The following PPP6R2 variants were observed in gnomAD, a reference collection of about 807,000 sequenced individuals.
The protein encoded by PPP6R2 is serine/threonine-protein phosphatase 6 regulatory subunit 2.
A neutral mutation model predicts 100.2 loss-of-function variants in PPP6R2; 62 were observed. That is an observed-to-expected ratio of 0.62 (90% CI 0.50 to 0.76). The LOEUF is 0.76. Among genes scored for constraint, PPP6R2 ranks in the 30% least tolerant of loss-of-function variants. The pLI, the probability that PPP6R2 is intolerant of heterozygous loss-of-function variation, is 0.00. For synonymous variants in PPP6R2, 525 were observed against 514.7 expected (o/e 1.02, Z -0.27); for missense variants, 1,142 against 1,276.3 (o/e 0.89, Z 1.60).
Position 50,431,866 on chromosome 22 carries a change from TGAGA to T in PPP6R2, c.1336-396_1336-393del, listed in dbSNP as rs1183643748. Among the ~76,000 whole-genome samples the T allele has an allele frequency of 6.6e-6, 1 of 151,056 alleles. No individual in the cohort carries two copies. Among genetic ancestry groups the T allele is most frequent in the African/African-American group, 2.4e-5 (1 of 40,984 alleles). On this transcript the variant is annotated intron_variant, in intron 11 of 23. Transcript: ENST00000612753. This position sits in a 1 kb window ranked among gnomAD's most constrained non-coding sequence, Gnocchi z 4.8. ...AGTGATCTGTGTCAGGGCCTGGAGG[TGAGA>T]GAAAGTGCTGAGGGCAGACAGCCCT... is the stretch of plus-strand genomic sequence containing the variant.
At chr22:50,362,419 T>TA (rs2047971798) in intron 1 of PPP6R2, among the ~76,000 whole-genome samples, 1 of 152,126 alleles carries the variant, frequency 6.6e-6, no homozygotes, top group Non-Finnish European at 1.5e-5. Context: ...GGAGAATTGC[T>TA]ACCTTGGGAG....
intron 2 of PPP6R2, among the ~76,000 whole-genome samples, chr22:50,374,911 CAAAAA>C (rs60035779): frequency 6.2e-5 from 5 of 80,958 alleles, no homozygotes; most frequent in African/African-American, 2.3e-4. Flanking sequence ...GACTCTGTCT[CAAAAA>C]AAAAAAAAAA....
chr22:50,386,712 C>T (rs1031613829), intron 2 of PPP6R2, among the ~76,000 whole-genome samples: 12 of 152,022 alleles, frequency 7.9e-5, no homozygotes, highest in East Asian at 1.9e-4. Flanking sequence ...AAAATCAGAA[C>T]GAAGGAAGCT....
At chr22:50,425,654 A>G (rs2061993897) in intron 10 of PPP6R2, among the ~76,000 whole-genome samples, 2 of 151,656 alleles carry the variant, frequency 1.3e-5, no homozygotes, top group Admixed American at 6.6e-5. Context: ...CCTCCCCCTC[A>G]TCCCGCCGAC....
intron 3 of PPP6R2, among the ~76,000 whole-genome samples, chr22:50,398,256 C>T (rs925849131): frequency 9.3e-5 from 14 of 151,180 alleles, no homozygotes; most frequent in African/African-American, 2.9e-4. Context: ...ACTACAACCT[C>T]CGCGTCCCAG....
At chr22:50,332,217 G>A in the PPP6R2 span, among the ~76,000 whole-genome samples, 2 of 150,954 alleles carry the variant, frequency 1.3e-5, no homozygotes, top group South Asian at 4.2e-4. Context: ...TACTTTTTAT[G>A]TTTCTTCTAG....
intron 21 of PPP6R2, among the ~76,000 whole-genome samples, chr22:50,440,471 C>G (rs79988007): frequency 0.055 from 8,344 of 151,178 alleles, 287 homozygotes; most frequent in Non-Finnish European, 0.071. Context: ...AGGTGAGTGA[C>G]AGCTGGCTCC....
chr22:50,350,443 C>G (rs1602049199), intron 1 of PPP6R2, among the ~76,000 whole-genome samples: 1 of 149,616 alleles, frequency 6.7e-6, no homozygotes, highest in African/African-American at 2.5e-5. Flanking sequence ...GTTGGCCAGG[C>G]TGGTCTCGAA....
At chr22:50,404,347 G>A (rs965808867) in intron 3 of PPP6R2, among the ~76,000 whole-genome samples, 4 of 151,342 alleles carry the variant, frequency 2.6e-5, no homozygotes, top group Admixed American at 1.3e-4. Flanking sequence ...CACCTGCCTC[G>A]GCCTCTCAAA....
chr22:50,364,187 G>A (rs1358515445), intron 1 of PPP6R2, among the ~76,000 whole-genome samples: 2 of 152,128 alleles, frequency 1.3e-5, no homozygotes, highest in African/African-American at 4.8e-5. Context: ...TTGAGTCACC[G>A]TGCCTGGCCC....
chr22:50,394,215 A>G, intron 3 of PPP6R2, 80 bp downstream of exon 3: 1 of 1,559,628 alleles, frequency 6.4e-7, no homozygotes, highest in Non-Finnish European at 8.7e-7. Context: ...GGATGGCCAT[A>G]GTTGGGGATT....
intron 12 of PPP6R2, among the ~76,000 whole-genome samples, chr22:50,432,703 A>T (rs373626093): frequency 8.8e-4 from 134 of 152,266 alleles, no homozygotes; most frequent in African/African-American, 3.0e-3. Context: ...TGGTCTTTCC[A>T]TCTTCTGCTT....
chr22:50,435,925 C>T (rs1021941083), intron 13 of PPP6R2, among the ~76,000 whole-genome samples: 4 of 152,154 alleles, frequency 2.6e-5, no homozygotes, highest in African/African-American at 4.8e-5. Context: ...CTGACCTCCC[C>T]GGAAAAACAG....
At position 50,419,270 on chromosome 22, in the gene PPP6R2, C is replaced by T. The variant is rs768310172; in HGVS notation, c.732-79C>T. 1.2e-5 allele frequency: 16 copies of T among 1,317,060 alleles called. No individual in the cohort carries two copies. In the African/African-American group the frequency reaches 1.3e-4, roughly 11 times the overall value. 81.6% of individuals were successfully genotyped at this position (1,317,060 alleles called of 1,614,324 possible). ...TTGAGGGTTTTGCTGGGGTCCTCCA[C>T]GGGGAGGAAGGAGCATCCTTGCATC... On this transcript the variant is annotated intron_variant, in intron 7 of 23. Coordinates refer to ENST00000612753, the MANE Select transcript of PPP6R2 (RefSeq NM_001242898.2).
At chr22:50,401,129 C>T (rs2057946009) in intron 3 of PPP6R2, among the ~76,000 whole-genome samples, 1 of 152,138 alleles carries the variant, frequency 6.6e-6, no homozygotes, top group African/African-American at 2.4e-5. Context: ...AACTCCTGGG[C>T]TCAAGTGATC....
intron 4 of PPP6R2, among the ~76,000 whole-genome samples, chr22:50,407,790 C>T (rs1013456323): frequency 1.3e-5 from 2 of 152,200 alleles, no homozygotes; most frequent in Non-Finnish European, 2.9e-5. Context: ...AGTCTTCTTT[C>T]CTGTGTCATG....
chr22:50,355,753 C>A (rs2046394727), intron 1 of PPP6R2, among the ~76,000 whole-genome samples: 1 of 150,832 alleles, frequency 6.6e-6, no homozygotes, highest in Non-Finnish European at 1.5e-5. Flanking sequence ...GATCTCCTTA[C>A]CTCATGATCC....
the PPP6R2 span, among the ~76,000 whole-genome samples, chr22:50,335,076 G>GGGTCTC: frequency 6.6e-6 from 1 of 151,998 alleles, no homozygotes; most frequent in African/African-American, 2.4e-5. Flanking sequence ...TTTTGAGACA[G>GGGTCTC]GGTCTCGCTC....
chr22:50,371,457 C>T (rs1436231076), intron 1 of PPP6R2, among the ~76,000 whole-genome samples: 2 of 151,880 alleles, frequency 1.3e-5, no homozygotes, highest in South Asian at 2.1e-4. Flanking sequence ...TGAATAGCTA[C>T]TGCTCTCCAC....
Sources: gnomAD v4.1 joint callset for allele counts (sites outside exome capture counted in the v4.1 genomes callset) on GRCh38, gnomAD v4.1.1 for gene constraint, Gnocchi (gnomAD v3.1) non-coding constraint, MANE v1.5 for transcripts, NCBI Gene and HGNC (gene_info 2026-07-23, HGNC 2026-07-21) for gene names.